Variants in CSTPP1 observed in about 807,000 individuals in gnomAD.
CSTPP1 encodes centriolar satellite-associated tubulin polyglutamylase complex regulator 1.
At chr11:47,025,593 T>A in the CSTPP1 span, among the ~76,000 whole-genome samples, 18 of 152,312 alleles carry the variant, frequency 1.2e-4, no homozygotes, top group African/African-American at 4.1e-4. Flanking sequence ...AGAGTTGATA[T>A]ATTTAATACT....
At chr11:46,954,802 C>CT in the CSTPP1 span, among the ~76,000 whole-genome samples, 442 of 137,918 alleles carry the variant, frequency 3.2e-3, 1 homozygote, top group South Asian at 8.1e-3. Context: ...CATTTTCTTT[C>CT]TTTTTTTTTT....
chr11:47,152,810 C>T, the CSTPP1 span, among the ~76,000 whole-genome samples: 51,742 of 152,024 alleles, frequency 0.34, 9,302 homozygotes, highest in East Asian at 0.7. Flanking sequence ...CCATGGAACA[C>T]GGGGAAAGCC....
the CSTPP1 span, among the ~76,000 whole-genome samples, chr11:47,153,671 T>C: frequency 6.6e-6 from 1 of 152,212 alleles, no homozygotes. Context: ...AATACCTCAA[T>C]AGCCTGCCAC....
the CSTPP1 span, among the ~76,000 whole-genome samples, chr11:47,121,251 T>A: frequency 6.6e-6 from 1 of 152,232 alleles, no homozygotes; most frequent in Non-Finnish European, 1.5e-5. Flanking sequence ...CTGTCTAATC[T>A]GTATTGGGCT....
chr11:47,074,129 G>A, the CSTPP1 span, among the ~76,000 whole-genome samples: 307 of 151,904 alleles, frequency 2.0e-3, no homozygotes, highest in African/African-American at 7.2e-3. Flanking sequence ...TCTTGAACTC[G>A]GGAGGCAGTG....
At chr11:47,067,675 C>T in the CSTPP1 span, among the ~76,000 whole-genome samples, 1 of 152,230 alleles carries the variant, frequency 6.6e-6, no homozygotes, top group Non-Finnish European at 1.5e-5. Context: ...TTACCAGACA[C>T]CAACTCTGCT....
At chr11:47,018,287 CTTTTTTTTTTTT>C in the CSTPP1 span, among the ~76,000 whole-genome samples, 1 of 82,192 alleles carries the variant, frequency 1.2e-5, no homozygotes, top group East Asian at 4.3e-4. Context: ...GTATGTTTAG[CTTTTTTTTTTTT>C]TTTTTTTTTT....
chr11:47,069,355 G>T, the CSTPP1 span, among the ~76,000 whole-genome samples: 1 of 152,180 alleles, frequency 6.6e-6, no homozygotes, highest in Non-Finnish European at 1.5e-5. Context: ...TATACATTTT[G>T]TGTCATTTAG....
the CSTPP1 span, chr11:46,948,073 C>T: frequency 2.2e-6 from 1 of 456,228 alleles, no homozygotes; most frequent in South Asian, 1.5e-5. Flanking sequence ...TATGAAAGGC[C>T]ACACGTCTTC....
chr11:47,046,927 G>T, the CSTPP1 span, among the ~76,000 whole-genome samples: 268 of 146,450 alleles, frequency 1.8e-3, 11 homozygotes, highest in South Asian at 0.055. Context: ...TTGAGATGGA[G>T]TCTCACTCTG....
the CSTPP1 span, chr11:47,161,189 C>T: frequency 6.2e-7 from 1 of 1,614,232 alleles, no homozygotes; most frequent in Non-Finnish European, 8.5e-7. Flanking sequence ...GCTGGAACGG[C>T]TGTAAGTGTC....
chr11:46,953,725 T>C, the CSTPP1 span, among the ~76,000 whole-genome samples: 2 of 152,212 alleles, frequency 1.3e-5, no homozygotes, highest in Non-Finnish European at 1.5e-5. Context: ...TTGAAAGCAA[T>C]TCATAAGTAA....
the CSTPP1 span, among the ~76,000 whole-genome samples, chr11:47,047,138 T>C: frequency 6.6e-6 from 1 of 152,124 alleles, no homozygotes; most frequent in Non-Finnish European, 1.5e-5. Context: ...TGACCTCAGG[T>C]GATCTGCCCG....
chr11:47,042,797 C>T, the CSTPP1 span, among the ~76,000 whole-genome samples: 52 of 152,060 alleles, frequency 3.4e-4, no homozygotes, highest in Non-Finnish European at 6.0e-4. Flanking sequence ...AGATTAATGT[C>T]TATTAAAGAA....
chr11:47,152,020 T>C, the CSTPP1 span, among the ~76,000 whole-genome samples: 1 of 152,110 alleles, frequency 6.6e-6, no homozygotes, highest in East Asian at 1.9e-4. Flanking sequence ...CCTGCCTCTA[T>C]AGGCGGATCA....
the CSTPP1 span, among the ~76,000 whole-genome samples, chr11:47,035,695 T>C: frequency 6.6e-6 from 1 of 152,190 alleles, no homozygotes; most frequent in Non-Finnish European, 1.5e-5. Flanking sequence ...TATAACAGAT[T>C]TGTGTATATT....
the CSTPP1 span, among the ~76,000 whole-genome samples, chr11:46,944,317 CAA>C: frequency 2.2e-4 from 17 of 77,428 alleles, no homozygotes; most frequent in East Asian, 4.4e-4. Flanking sequence ...GACTGCTTCT[CAA>C]AAAAAAAAAA....
the CSTPP1 span, chr11:47,161,659 C>T: frequency 6.3e-7 from 1 of 1,595,020 alleles, no homozygotes; most frequent in Non-Finnish European, 8.5e-7. Flanking sequence ...GGGTCCTGCC[C>T]ACAGCGCCCT....
chr11:47,096,885 C>T, the CSTPP1 span, among the ~76,000 whole-genome samples: 9 of 151,596 alleles, frequency 5.9e-5, no homozygotes, highest in African/African-American at 2.2e-4. Flanking sequence ...TTTTTAGTTT[C>T]TTTTTATAAA....
Sources: allele counts gnomAD v4.1 joint callset (sites outside exome capture counted in the v4.1 genomes callset), GRCh38; gene constraint gnomAD v4.1.1; transcripts MANE v1.5; gene names NCBI Gene and HGNC (gene_info 2026-07-23, HGNC 2026-07-21).